The following CCDC148 variants were observed in gnomAD, a reference collection of about 807,000 sequenced individuals.
The protein encoded by CCDC148 is coiled-coil domain containing 148.
A neutral mutation model predicts 85.7 loss-of-function variants in CCDC148; 89 were observed. The observed-to-expected ratio is 1.04, with a 90% CI of 0.87 to 1.24. The LOEUF (loss-of-function observed/expected upper bound fraction) is 1.24, where lower values mean the gene tolerates loss of function less well. Ranked by LOEUF, CCDC148 falls within the 50% of genes most tolerant of loss-of-function variation. CCDC148 has a pLI of 0.00. For synonymous variants in CCDC148, 230 were observed against 213.9 expected (o/e 1.08, Z -0.66); for missense variants, 692 against 671.7 (o/e 1.03, Z -0.33).
intron 1 of CCDC148, among the ~76,000 whole-genome samples, chr2:158,377,595 G>A (rs7579045): frequency 0.049 from 7,524 of 152,016 alleles, 337 homozygotes; most frequent in African/African-American, 0.12. Flanking sequence ...GCGACATACA[G>A]GCATACCTTG....
In CCDC148 at chr2:158,328,904, C is replaced by T. The variant is rs953471003; in HGVS notation, c.764+9822G>A. Among the ~76,000 whole-genome samples the T allele has an allele frequency of 4.7e-5, 7 of 148,564 alleles. No homozygotes were observed. The South Asian group carries it at 1.3e-3, about 27-fold the overall frequency. ...AATTTGTTGGAGTTCATTGTAGATT[C>T]TGGATATTAGCCCTTTGTCAGATGA... On this transcript the variant is annotated intron_variant, in intron 7 of 13. Transcript: ENST00000283233.
intron 1 of CCDC148, among the ~76,000 whole-genome samples, chr2:158,398,338 C>A (rs533133900): frequency 2.6e-5 from 4 of 152,244 alleles, no homozygotes; most frequent in African/African-American, 9.6e-5. Context: ...TTCTCAGCAC[C>A]ACATCACACT....
intron 7 of CCDC148, among the ~76,000 whole-genome samples, chr2:158,320,613 ATTATT>A (rs1180433617): frequency 2.0e-5 from 3 of 152,202 alleles, no homozygotes; most frequent in Non-Finnish European, 2.9e-5. Flanking sequence ...CACATATTTT[ATTATT>A]TTTACAATAT....
intron 11 of CCDC148, among the ~76,000 whole-genome samples, chr2:158,200,359 C>T (rs1283426240): frequency 1.3e-5 from 2 of 152,070 alleles, no homozygotes; most frequent in Non-Finnish European, 2.9e-5. Context: ...TTCCTCTTTC[C>T]CCTGAATTTC....
At chr2:158,329,523 G>C (rs1692980149) in intron 7 of CCDC148, among the ~76,000 whole-genome samples, 1 of 151,952 alleles carries the variant, frequency 6.6e-6, no homozygotes, top group South Asian at 2.1e-4. Flanking sequence ...GAACTTTAAA[G>C]TAGTTTTTTC....
chr2:158,343,678 A>T (rs1005600705), intron 3 of CCDC148, among the ~76,000 whole-genome samples: 1 of 152,224 alleles, frequency 6.6e-6, no homozygotes, highest in Admixed American at 6.5e-5. Context: ...GTTGACAAAC[A>T]CTGTTAGGAC....
intron 7 of CCDC148, among the ~76,000 whole-genome samples, chr2:158,327,056 G>A (rs866215986): frequency 6.6e-6 from 1 of 151,992 alleles, no homozygotes; most frequent in African/African-American, 2.4e-5. Flanking sequence ...TATAAAACTA[G>A]TTCCTATTGA....
At chr2:158,410,921 T>C (rs556808490) in intron 1 of CCDC148, among the ~76,000 whole-genome samples, 1 of 147,536 alleles carries the variant, frequency 6.8e-6, no homozygotes, top group East Asian at 2.1e-4. Context: ...TTTTTGTCTA[T>C]CTGAGAACTA....
intron 1 of CCDC148, among the ~76,000 whole-genome samples, chr2:158,430,072 G>A (rs929539375): frequency 6.6e-5 from 10 of 152,118 alleles, no homozygotes; most frequent in Admixed American, 1.3e-4. Context: ...AGGTGTGTGC[G>A]GAGACGAAAG....
chr2:158,325,948 A>G (rs12615794), intron 7 of CCDC148, among the ~76,000 whole-genome samples: 25,620 of 152,112 alleles, frequency 0.17, 3,485 homozygotes, highest in African/African-American at 0.38. Context: ...CCCACAGTTT[A>G]TCTTAAACAC....
At chr2:158,185,406 G>A (rs977036837) in intron 11 of CCDC148, among the ~76,000 whole-genome samples, 2 of 152,142 alleles carry the variant, frequency 1.3e-5, no homozygotes, top group South Asian at 2.1e-4. Flanking sequence ...ACTCGAAGGC[G>A]TCTCAGCCTT....
At position 158,172,107 on chromosome 2, in the gene CCDC148, T is replaced by A. The variant is rs758747974; in HGVS notation, c.*6A>T. ...GCTCTTTACATATAGAATTTGAGGA[T>A]GAGCTCTATATTTTAAATACAGTAG... On this transcript the variant is annotated 3_prime_UTR_variant, in exon 14 of 14. Transcript: ENST00000283233. 6.4e-7 allele frequency: 1 copy of A among 1,574,464 alleles called. No homozygotes were observed. Among genetic ancestry groups the A allele is most frequent in the Admixed American group, 1.9e-5 (1 of 51,348 alleles).
chr2:158,338,203 A>G (rs1173863518), intron 7 of CCDC148, among the ~76,000 whole-genome samples: 4 of 152,200 alleles, frequency 2.6e-5, no homozygotes, highest in Non-Finnish European at 5.9e-5. Context: ...ATCGCTGAAC[A>G]TTATATTCAC....
At chr2:158,176,738 G>T in intron 12 of CCDC148, 77 bp from the exon 13 acceptor site, 1 of 1,504,656 alleles carries the variant, frequency 6.6e-7, no homozygotes, top group Non-Finnish European at 9.0e-7. Flanking sequence ...GATGTCTAAT[G>T]CCCATTAAAG....
intron 1 of CCDC148, among the ~76,000 whole-genome samples, chr2:158,399,143 C>G (rs1282707380): frequency 6.6e-6 from 1 of 152,044 alleles, no homozygotes; most frequent in East Asian, 1.9e-4. Flanking sequence ...AATAGCCTAC[C>G]AACCAAAAAA....
chr2:158,250,715 C>T (rs1688753519), intron 10 of CCDC148, 57 bp downstream of exon 10: 1 of 1,458,138 alleles, frequency 6.9e-7, no homozygotes, highest in Middle Eastern at 1.8e-4. Flanking sequence ...GACCAAAAAG[C>T]TCAATCAGGC....
At chr2:158,263,781 G>A (rs1044270658) in intron 9 of CCDC148, among the ~76,000 whole-genome samples, 1 of 151,966 alleles carries the variant, frequency 6.6e-6, no homozygotes, top group Non-Finnish European at 1.5e-5. Context: ...ATTAATGCAA[G>A]TTAAATGGAT....
intron 1 of CCDC148, among the ~76,000 whole-genome samples, chr2:158,358,929 A>C (rs1343142020): frequency 6.6e-6 from 1 of 152,146 alleles, no homozygotes; most frequent in Non-Finnish European, 1.5e-5. Context: ...TCAACTGTGA[A>C]TATTAAGTAT....
rs528327688 is a variant in CCDC148 at position 158,447,772 on chromosome 2, T to TTA, written c.25+8641_25+8642dup. 7.7e-4 allele frequency among the ~76,000 whole-genome samples: 117 copies of TTA among 152,342 alleles called. No homozygotes were observed. The Middle Eastern group carries it at 0.02, about 27-fold the overall frequency. On this transcript the variant is annotated intron_variant, in intron 1 of 13. Coordinates refer to ENST00000283233, the MANE Select transcript of CCDC148 (RefSeq NM_138803.4). ...TCTTATTTTTCACATTTAGCATGCT[T>TTA]TATATATTCTAGATACAAGTACTTT...
Sources: allele counts gnomAD v4.1 joint callset (sites outside exome capture counted in the v4.1 genomes callset), GRCh38; gene constraint gnomAD v4.1.1; transcripts MANE v1.5; gene names NCBI Gene and HGNC (gene_info 2026-07-23, HGNC 2026-07-21).